The following RSRC1 variants were observed in gnomAD, a reference collection of about 807,000 sequenced individuals.
RSRC1 encodes arginine and serine rich coiled-coil 1, also known as serine/Arginine-related protein 53.
RSRC1 carries 39 observed loss-of-function variants against 49.1 expected under a neutral mutation model. The observed-to-expected ratio is 0.79, with a 90% confidence interval of 0.61 to 1.04. The LOEUF (loss-of-function observed/expected upper bound fraction) is 1.04. Ranked by LOEUF, RSRC1 falls within the 50% of genes least tolerant of loss-of-function variation. The pLI is 0.00. For missense variants in RSRC1, 388 were observed against 402.4 expected (o/e 0.96, Z 0.31); for synonymous variants, 143 against 130.8 (o/e 1.09, Z -0.63).
intron 4 of RSRC1, among the ~76,000 whole-genome samples, chr3:158,286,254 T>C (rs914609882): frequency 2.0e-5 from 3 of 152,202 alleles, no homozygotes; most frequent in African/African-American, 7.2e-5. Flanking sequence ...GAGTTGAAAG[T>C]AATAAATTCT....
At chr3:158,453,027 T>C (rs1048000999) in intron 6 of RSRC1, among the ~76,000 whole-genome samples, 1 of 152,206 alleles carries the variant, frequency 6.6e-6, no homozygotes, top group Non-Finnish European at 1.5e-5. Flanking sequence ...TAACTTGCTT[T>C]TTTATTTAAT....
At chr3:158,442,683 G>A (rs1349500354) in intron 6 of RSRC1, among the ~76,000 whole-genome samples, 2 of 152,026 alleles carry the variant, frequency 1.3e-5, no homozygotes, top group African/African-American at 2.4e-5. Flanking sequence ...GTTCTTAATG[G>A]CATTTAGAAT....
At chr3:158,487,949 G>GGAAAAAACAAAAAAAA (rs1553814781) in intron 7 of RSRC1, among the ~76,000 whole-genome samples, 1 of 28,920 alleles carries the variant, frequency 3.5e-5, no homozygotes, top group Admixed American at 6.5e-4. Flanking sequence ...TCCATCTCAA[G>GGAAAAAACAAAAAAAA]AAAAAAAAAA....
intron 6 of RSRC1, among the ~76,000 whole-genome samples, chr3:158,378,554 A>T (rs931546449): frequency 1.3e-5 from 2 of 152,242 alleles, no homozygotes; most frequent in African/African-American, 4.8e-5. Context: ...ACTTTCACCT[A>T]TAGTGGGCAA....
intron 7 of RSRC1, among the ~76,000 whole-genome samples, chr3:158,534,067 G>A (rs1712577764): frequency 6.6e-6 from 1 of 151,542 alleles, no homozygotes; most frequent in Non-Finnish European, 1.5e-5. Context: ...TCTTCCAAAG[G>A]TGGGAGTATT....
At chr3:158,478,033 T>C (rs1738458274) in intron 7 of RSRC1, among the ~76,000 whole-genome samples, 1 of 151,236 alleles carries the variant, frequency 6.6e-6, no homozygotes, top group Non-Finnish European at 1.5e-5. Context: ...TACTTCAGCC[T>C]AGACGACAGA....
At chr3:158,525,114 C>T (rs555211613) in intron 7 of RSRC1, among the ~76,000 whole-genome samples, 1 of 151,756 alleles carries the variant, frequency 6.6e-6, no homozygotes, top group East Asian at 1.9e-4. Flanking sequence ...TGAAAGATAC[C>T]ATTAAGAAAC....
At chr3:158,330,104 G>A (rs1035813944) in intron 5 of RSRC1, among the ~76,000 whole-genome samples, 3 of 152,242 alleles carry the variant, frequency 2.0e-5, no homozygotes, top group East Asian at 1.9e-4. Flanking sequence ...TAGGGTGGGA[G>A]TGACCCGATT....
At chr3:158,415,203 C>A (rs747227299) in intron 6 of RSRC1, among the ~76,000 whole-genome samples, 3 of 152,056 alleles carry the variant, frequency 2.0e-5, no homozygotes, top group Non-Finnish European at 2.9e-5. Context: ...TGATTTATAC[C>A]TGTATGATCT....
chr3:158,277,108 A>G (rs1365623825), intron 4 of RSRC1, among the ~76,000 whole-genome samples: 2 of 152,210 alleles, frequency 1.3e-5, no homozygotes, highest in African/African-American at 4.8e-5. Flanking sequence ...ATATGTCCAC[A>G]GTTTTTGGAC....
At chr3:158,325,935 G>A in intron 5 of RSRC1, among the ~76,000 whole-genome samples, 1 of 152,104 alleles carries the variant, frequency 6.6e-6, no homozygotes. Context: ...TCCTTGAAGA[G>A]ATCCTTCACA....
chr3:158,278,122 C>G (rs1001451243), intron 4 of RSRC1, among the ~76,000 whole-genome samples: 10 of 152,162 alleles, frequency 6.6e-5, no homozygotes, highest in African/African-American at 1.9e-4. Context: ...TTGGAATAAT[C>G]AGGATATTCA....
intron 4 of RSRC1, among the ~76,000 whole-genome samples, chr3:158,251,441 A>G (rs759582708): frequency 6.6e-6 from 1 of 152,132 alleles, no homozygotes; most frequent in Non-Finnish European, 1.5e-5. Context: ...GATTTTTCCA[A>G]TCCATAAACA....
intron 4 of RSRC1, among the ~76,000 whole-genome samples, chr3:158,258,848 C>G (rs1724726466): frequency 6.6e-6 from 1 of 151,986 alleles, no homozygotes. Flanking sequence ...TGGTGCATTT[C>G]TCAGTATGTC....
chr3:158,191,635 C>T (rs2108264546), intron 3 of RSRC1, among the ~76,000 whole-genome samples: 1 of 152,014 alleles, frequency 6.6e-6, no homozygotes, highest in Non-Finnish European at 1.5e-5. Flanking sequence ...TTCTAGAGTG[C>T]CACATTTTTT....
chr3:158,222,816 C>G (rs1198144773), intron 4 of RSRC1, among the ~76,000 whole-genome samples: 1 of 151,610 alleles, frequency 6.6e-6, no homozygotes, highest in East Asian at 1.9e-4. Context: ...CCTTTTCTAA[C>G]TGTGCTCTGT....
chr3:158,335,808 T>G (rs756293129), intron 5 of RSRC1, among the ~76,000 whole-genome samples: 3 of 151,070 alleles, frequency 2.0e-5, no homozygotes, highest in African/African-American at 4.9e-5. Context: ...TGGTGTTTTG[T>G]TTTTTTTCCA....
chr3:158,287,872 T>G (rs1347497456), intron 4 of RSRC1, among the ~76,000 whole-genome samples: 10 of 152,204 alleles, frequency 6.6e-5, no homozygotes, highest in Non-Finnish European at 1.2e-4. Context: ...TTTTGAATTT[T>G]TCTACAATAA....
intron 6 of RSRC1, among the ~76,000 whole-genome samples, chr3:158,383,936 A>G (rs557831362): frequency 2.6e-5 from 4 of 152,190 alleles, no homozygotes; most frequent in Admixed American, 2.0e-4. Context: ...AAAAAGAAAA[A>G]CTTTATGGGA....
Sources: allele counts gnomAD v4.1 joint callset (sites outside exome capture counted in the v4.1 genomes callset), GRCh38; gene constraint gnomAD v4.1.1; transcripts MANE v1.5; gene names NCBI Gene and HGNC (gene_info 2026-07-23, HGNC 2026-07-21).